DEFB110: variants seen among roughly 807,000 people sequenced by gnomAD.
The protein encoded by DEFB110 is defensin beta 110.
Under a neutral mutation model 2.5 loss-of-function variants are expected in DEFB110, and 4 were observed. The observed-to-expected ratio is 1.60, with a 90% CI of 0.79 to 3.66. The LOEUF (loss-of-function observed/expected upper bound fraction) is 3.66, where lower values mean the gene tolerates loss of function less well. DEFB110 is among the 30% of genes most tolerant of loss of function. DEFB110 has a pLI of 0.01. For synonymous variants in DEFB110, 29 were observed against 21.8 expected (o/e 1.33, Z -0.92); for missense variants, 94 against 75.4 (o/e 1.25, Z -0.91).
At chr6:50,014,613 G>T (rs1379617450), downstream of DEFB110, among the ~76,000 whole-genome samples, 2 of 151,736 alleles carry the variant, frequency 1.3e-5, no homozygotes, top group African/African-American at 4.8e-5. Context: ...CAGTTGTGAA[G>T]AATACCTACA....
At chr6:50,010,751 T>C (rs926206197) in intron 1 of DEFB110, among the ~76,000 whole-genome samples, 4 of 151,692 alleles carry the variant, frequency 2.6e-5, no homozygotes, top group Admixed American at 2.0e-4. Context: ...AGGAAGACAA[T>C]GATGCATAAT....
chr6:50,012,867 G>A (rs1461891279), intron 1 of DEFB110, among the ~76,000 whole-genome samples: 2 of 151,672 alleles, frequency 1.3e-5, no homozygotes, highest in Non-Finnish European at 3.0e-5. Context: ...ACTATTATTT[G>A]TTGGGAGATG....
At chr6:50,009,799 A>C (rs1166484241) in intron 1 of DEFB110, among the ~76,000 whole-genome samples, 2 of 152,144 alleles carry the variant, frequency 1.3e-5, no homozygotes, top group African/African-American at 4.8e-5. Context: ...TTAGATCTAC[A>C]TAGAGAAACA....
At chr6:50,020,146 C>T (rs1389896120) in intron 1 of DEFB110, among the ~76,000 whole-genome samples, 1 of 151,804 alleles carries the variant, frequency 6.6e-6, no homozygotes, top group Non-Finnish European at 1.5e-5. Flanking sequence ...AAAATTTGCA[C>T]ATTATAAGAA....
downstream of DEFB110, among the ~76,000 whole-genome samples, chr6:50,018,246 T>A (rs780577251): frequency 1.3e-4 from 20 of 151,926 alleles, no homozygotes; most frequent in Non-Finnish European, 1.9e-4. Flanking sequence ...TCAGACATAG[T>A]CATCTCTCAG....
At chr6:50,014,404 A>G (rs1379854144), downstream of DEFB110, among the ~76,000 whole-genome samples, 1 of 151,784 alleles carries the variant, frequency 6.6e-6, no homozygotes, top group African/African-American at 2.4e-5. Flanking sequence ...CTTGAAGAAA[A>G]ATTAAGAACA....
downstream of DEFB110, among the ~76,000 whole-genome samples, chr6:50,015,394 C>T (rs1774299961): frequency 6.6e-6 from 1 of 151,766 alleles, no homozygotes; most frequent in African/African-American, 2.4e-5. Context: ...TCCTAAAAAT[C>T]CCTGGGTAAT....
chr6:50,012,715 T>G (rs2113937965), intron 1 of DEFB110, among the ~76,000 whole-genome samples: 1 of 152,080 alleles, frequency 6.6e-6, no homozygotes, highest in Non-Finnish European at 1.5e-5. Flanking sequence ...TATTTTTCTC[T>G]ACTTTTACTG....
downstream of DEFB110, among the ~76,000 whole-genome samples, chr6:50,016,870 G>T (rs933122982): frequency 6.6e-6 from 1 of 151,738 alleles, no homozygotes; most frequent in African/African-American, 2.4e-5. Flanking sequence ...AATTTAGATG[G>T]TTTTCGTGCT....
At chr6:50,012,035 A>G (rs1376181174) in intron 1 of DEFB110, among the ~76,000 whole-genome samples, 1 of 152,102 alleles carries the variant, frequency 6.6e-6, no homozygotes, top group African/African-American at 2.4e-5. Flanking sequence ...TTCAAAAGAT[A>G]TAATGAGATA....
chr6:50,016,102 AT>A (rs2113940041), downstream of DEFB110, among the ~76,000 whole-genome samples: 1 of 151,960 alleles, frequency 6.6e-6, no homozygotes, highest in South Asian at 2.1e-4. Flanking sequence ...GCTAATTGGA[AT>A]TAGATTTTGT....
downstream of DEFB110, among the ~76,000 whole-genome samples, chr6:50,016,906 G>C (rs941702443): frequency 1.3e-5 from 2 of 151,328 alleles, no homozygotes; most frequent in Non-Finnish European, 3.0e-5. Context: ...AAAGATACAG[G>C]GTACACCAGG....
At chr6:50,021,807 T>C in intron 1 of DEFB110, 74 bp downstream of exon 1, 1 of 1,378,340 alleles carries the variant, frequency 7.3e-7, no homozygotes, top group Non-Finnish European at 9.9e-7. Context: ...GTTATTATCA[T>C]ATTTTTTATC....
downstream of DEFB110, among the ~76,000 whole-genome samples, chr6:50,014,270 T>C (rs1774279459): frequency 6.6e-6 from 1 of 151,820 alleles, no homozygotes; most frequent in South Asian, 2.1e-4. Context: ...AGAGTTTCAG[T>C]TAATTGGTGT....
intron 1 of DEFB110, among the ~76,000 whole-genome samples, chr6:50,010,554 CAT>C (rs1255392982): frequency 3.3e-5 from 5 of 149,958 alleles, no homozygotes; most frequent in African/African-American, 9.8e-5. Context: ...CATACATAGA[CAT>C]ATATATAGAC....
chr6:50,014,964 A>T (rs961238921), downstream of DEFB110, among the ~76,000 whole-genome samples: 1 of 151,862 alleles, frequency 6.6e-6, no homozygotes, highest in South Asian at 2.1e-4. Flanking sequence ...TCTTCTCTTA[A>T]CCACTTGCTA....
At chr6:50,019,187 A>G (rs180845231) in intron 1 of DEFB110, 62 bp from the exon 2 acceptor site, 7 of 1,539,276 alleles carry the variant, frequency 4.5e-6, no homozygotes, top group Admixed American at 3.9e-5. Context: ...ATGTTTTAAA[A>G]GGAGAAAGTC....
intron 1 of DEFB110, among the ~76,000 whole-genome samples, chr6:50,019,759 A>G (rs983828250): frequency 6.6e-6 from 1 of 152,058 alleles, no homozygotes; most frequent in Non-Finnish European, 1.5e-5. Context: ...TCTTTCACAA[A>G]AAAGTTTCTA....
intron 1 of DEFB110, among the ~76,000 whole-genome samples, chr6:50,020,874 C>A (rs1054048910): frequency 2.0e-5 from 3 of 152,052 alleles, no homozygotes; most frequent in Non-Finnish European, 4.4e-5. Flanking sequence ...ATTATCAAAC[C>A]CATATGTGAT....
Sources: gnomAD v4.1 joint callset for allele counts (sites outside exome capture counted in the v4.1 genomes callset) on GRCh38, gnomAD v4.1.1 for gene constraint, MANE v1.5 for transcripts, NCBI Gene and HGNC (gene_info 2026-07-23, HGNC 2026-07-21) for gene names.